Variants in PRRC2C observed in about 807,000 individuals in gnomAD.
The protein encoded by PRRC2C is protein PRRC2C.
PRRC2C carries 72 observed loss-of-function variants against 317.2 expected under a neutral mutation model. That is an observed-to-expected ratio of 0.23 (90% CI 0.19 to 0.28). The LOEUF (loss-of-function observed/expected upper bound fraction) is 0.28. PRRC2C is among the 10% of genes least tolerant of loss of function. The probability of loss-of-function intolerance (pLI) is 1.00; values close to 1 mark genes in which losing one functional copy is unlikely to be tolerated. For synonymous variants in PRRC2C, 1,296 were observed against 1,205.9 expected (o/e 1.07, Z -1.55); for missense variants, 3,074 against 3,459.7 (o/e 0.89, Z 2.80).
rs1304706227 is a variant in PRRC2C at position 171,517,592 on chromosome 1, T to A, written c.528T>A (p.Asn176Lys). 5.6e-6 allele frequency: 9 copies of A among 1,610,152 alleles called. No homozygotes were observed. In the East Asian group the frequency reaches 2.0e-4, roughly 36 times the overall value. ...YGPGPSLRPP[N>K]VACWRDGGKA... Reference sequence around the variant, plus strand: ...CTTTTTTCTCTGCCTTCATACTAGATGTTGCTTGTTGGAGAGATGGTGGTA... The same window carrying A: ...CTTTTTTCTCTGCCTTCATACTAGAAGTTGCTTGTTGGAGAGATGGTGGTA... The change falls in exon 6 of 35, where the codon AAT (asparagine) becomes AAA (lysine). Residue 176 changes from asparagine to lysine, a missense_variant and splice_region_variant. By Grantham distance (94) the Asn-to-Lys change is moderately conservative. Coordinates refer to ENST00000647382, the MANE Select transcript of PRRC2C (RefSeq NM_001387844.1).
chr1:171,545,698 G>T lies in PRRC2C; in HGVS notation c.4972+11G>T. The T allele has an allele frequency of 1.5e-6, 2 of 1,331,876 alleles. No homozygotes were observed. Among genetic ancestry groups the T allele is most frequent in the Non-Finnish European group, 2.0e-6 (2 of 1,020,410 alleles). The allele number at this position is 1,331,876 out of a possible 1,614,324, so 82.5% of individuals were successfully genotyped here. A position where few individuals can be genotyped will look rare whatever the true frequency, so the allele number is the denominator to read the frequency against. The stretch of plus-strand genomic sequence containing the variant: ...TCAACAATTATGCAAGTATGTCTTA[G>T]GTTTCTTTCATTTTATTTATTTATT... On this transcript the variant is annotated intron_variant, in intron 17 of 34. Coordinates refer to ENST00000647382, the MANE Select transcript of PRRC2C (RefSeq NM_001387844.1).
intron 12 of PRRC2C, among the ~76,000 whole-genome samples, chr1:171,533,950 A>C (rs1361594070): frequency 2.0e-5 from 3 of 152,220 alleles, no homozygotes; most frequent in African/African-American, 7.2e-5. Flanking sequence ...AACGACTTGA[A>C]TTAAAATAGA....
chr1:171,494,430 G>C (rs1237104735), intron 1 of PRRC2C, among the ~76,000 whole-genome samples: 1 of 151,936 alleles, frequency 6.6e-6, no homozygotes, highest in Non-Finnish European at 1.5e-5. Context: ...AACATATGGT[G>C]GTATTCTTAG....
chr1:171,586,033 G>A (rs1224259218), intron 30 of PRRC2C, among the ~76,000 whole-genome samples: 2 of 148,252 alleles, frequency 1.3e-5, no homozygotes, highest in Non-Finnish European at 3.0e-5. Context: ...ACCTCACTTC[G>A]ACTGATCCGT....
intron 1 of PRRC2C, among the ~76,000 whole-genome samples, chr1:171,503,022 G>A (rs1003144787): frequency 5.9e-5 from 9 of 152,066 alleles, no homozygotes; most frequent in East Asian, 3.9e-4. Context: ...GCGCCAAGCC[G>A]ACTTTGGTTT....
At chr1:171,537,804 C>G (rs1183744319) in intron 15 of PRRC2C, among the ~76,000 whole-genome samples, 1 of 152,166 alleles carries the variant, frequency 6.6e-6, no homozygotes, top group East Asian at 1.9e-4. Context: ...CTCCCAGGCT[C>G]AAGTGATCGG....
chr1:171,508,073 G>T (rs1670589020), intron 1 of PRRC2C, among the ~76,000 whole-genome samples: 1 of 152,144 alleles, frequency 6.6e-6, no homozygotes. Flanking sequence ...CTACTTAAAA[G>T]ATCATGTCAT....
chr1:171,502,412 AC>A (rs1669297569), intron 1 of PRRC2C, among the ~76,000 whole-genome samples: 1 of 152,132 alleles, frequency 6.6e-6, no homozygotes, highest in South Asian at 2.1e-4. Flanking sequence ...GTTGAAAACC[AC>A]TGATTGGTTT....
chr1:171,574,815 G>T (rs555564786), intron 24 of PRRC2C, 112 bp from the exon 25 acceptor site: 6 of 962,440 alleles, frequency 6.2e-6, no homozygotes, highest in African/African-American at 4.9e-5. Flanking sequence ...CTTTGTGTGT[G>T]TGTGGTTTTT....
intron 1 of PRRC2C, among the ~76,000 whole-genome samples, chr1:171,505,889 T>C (rs1177436085): frequency 6.6e-6 from 1 of 152,248 alleles, no homozygotes; most frequent in African/African-American, 2.4e-5. Context: ...GTACGCTTTC[T>C]ATGTTTAGAC....
In PRRC2C at chr1:171,513,090, A is replaced by C; in HGVS notation, c.208A>C (p.Lys70Gln). 2 of 1,613,886 alleles carry C rather than the reference A, an allele frequency of 1.2e-6. No homozygotes were observed. The highest frequency in any genetic ancestry group is 1.7e-6 in the Non-Finnish European group (2 of 1,179,816). Residue 70 changes from lysine to glutamine, a missense_variant, in exon 3 of 35, where the codon AAA (lysine) becomes CAA (glutamine). By Grantham distance (53) the Lys-to-Gln change is moderately conservative. Coordinates refer to ENST00000647382, the MANE Select transcript of PRRC2C (RefSeq NM_001387844.1). ...CCTCCCAAGTCTTAAAGCAGAAAAC[A>C]AAGGCAATGATCCTAATGTAAACAT... is the stretch of plus-strand genomic sequence containing the variant. ...ANLPSLKAEN[K>Q]GNDPNVNIVP...
At chr1:171,584,790 T>G (rs1161372318) in intron 30 of PRRC2C, among the ~76,000 whole-genome samples, 1 of 151,754 alleles carries the variant, frequency 6.6e-6, no homozygotes, top group African/African-American at 2.4e-5. Flanking sequence ...GTTTAGGGGG[T>G]TTTGTTTTGT....
At chr1:171,524,715 C>A in intron 9 of PRRC2C, 106 bp from the exon 10 acceptor site, 1 of 1,106,648 alleles carries the variant, frequency 9.0e-7, no homozygotes, top group Non-Finnish European at 1.2e-6. Context: ...TAATACATTT[C>A]CCCCCCCAGA....
intron 34 of PRRC2C, among the ~76,000 whole-genome samples, chr1:171,590,591 G>A (rs1244193590): frequency 3.3e-5 from 5 of 152,166 alleles, no homozygotes; most frequent in East Asian, 1.9e-4. Context: ...TGATTAAAGT[G>A]TCTTTTTGGG....
intron 20 of PRRC2C, among the ~76,000 whole-genome samples, chr1:171,565,685 A>G (rs924686586): frequency 6.6e-6 from 1 of 152,186 alleles, no homozygotes; most frequent in Non-Finnish European, 1.5e-5. Flanking sequence ...TGACCTCATC[A>G]TCCGCCCACC....
chr1:171,569,261 C>T (rs907806449), intron 23 of PRRC2C, among the ~76,000 whole-genome samples: 2 of 67,518 alleles, frequency 3.0e-5, no homozygotes, highest in African/African-American at 1.0e-4. Context: ...ATTTAAAGGT[C>T]TGTCACAAAG....
In PRRC2C at chr1:171,537,287, T is replaced by C. The variant is rs781087568; in HGVS notation, c.2318T>C (p.Met773Thr). 6.3e-7 allele frequency: 1 copy of C among 1,597,708 alleles called. No homozygotes were observed. The highest frequency in any genetic ancestry group is 2.2e-5 in the East Asian group (1 of 44,546). The change falls in exon 15 of 35, where the codon ATG (methionine) becomes ACG (threonine). Residue 773 changes from methionine to threonine, a missense_variant. Met to Thr is a moderately conservative substitution (Grantham distance 81). This residue lies in a region of PRRC2C where 1,320 missense variants were observed against 1,395.7 expected (regional missense o/e 0.95). Coordinates refer to ENST00000647382, the MANE Select transcript of PRRC2C (RefSeq NM_001387844.1). ...HPGMIPPKPL[M>T]RRDQMEGSPN... Reference sequence around the variant, plus strand: ...GGAATGATTCCTCCTAAACCATTAATGAGAAGAGACCAGATGGAAGGGTCA... The same window carrying C: ...GGAATGATTCCTCCTAAACCATTAACGAGAAGAGACCAGATGGAAGGGTCA...
At position 171,557,733 on chromosome 1, in the gene PRRC2C, C is replaced by G; in HGVS notation, c.5621C>G (p.Ser1874Ter). The change falls in exon 19 of 35, where the codon TCA (serine) becomes TGA (stop). Residue 1874 changes from serine to a stop codon, truncating the protein, a stop_gained. Coordinates refer to ENST00000647382, the MANE Select transcript of PRRC2C (RefSeq NM_001387844.1). LOFTEE classifies it high-confidence loss of function. ...PILASALASTSAPTPAPAASS... is the reference protein window; with the variant it reads ...PILASALAST Reference sequence around the variant, plus strand: ...CTTGCTTCAGCCCTAGCATCAACTTCAGCTCCAACGCCAGCCCCAGCAGCC... The same window carrying G: ...CTTGCTTCAGCCCTAGCATCAACTTGAGCTCCAACGCCAGCCCCAGCAGCC... 6.4e-7 allele frequency: 1 copy of G among 1,551,606 alleles called. No individual in the cohort carries two copies. Among genetic ancestry groups the G allele is most frequent in the Non-Finnish European group, 8.7e-7 (1 of 1,146,972 alleles).
intron 16 of PRRC2C, among the ~76,000 whole-genome samples, chr1:171,544,845 C>T (rs1678751070): frequency 6.6e-6 from 1 of 152,098 alleles, no homozygotes; most frequent in Non-Finnish European, 1.5e-5. Flanking sequence ...ATACTATAGG[C>T]TAAGATGCAA....
Sources: allele counts gnomAD v4.1 joint callset (sites outside exome capture counted in the v4.1 genomes callset), GRCh38; gene constraint gnomAD v4.1.1; regional missense constraint gnomAD v4.1.1; transcripts MANE v1.5; gene names NCBI Gene and HGNC (gene_info 2026-07-23, HGNC 2026-07-21).